Variants in ZRANB3 observed in about 807,000 individuals in gnomAD.
ZRANB3 encodes the protein zinc finger RANBP2-type containing 3, also known as DNA annealing helicase and endonuclease ZRANB3.
In ZRANB3, 125 loss-of-function variants were observed where a neutral mutation model predicts 133.8. That is an observed-to-expected ratio of 0.93 (90% CI 0.81 to 1.08). The LOEUF is 1.08. Ranked by LOEUF, ZRANB3 falls within the 50% of genes least tolerant of loss-of-function variation. The pLI is 0.00. For missense variants in ZRANB3, 1,229 were observed against 1,275.5 expected, an observed-to-expected ratio of 0.96 and a Z score of 0.56; for synonymous variants, 387 against 432.7, an observed-to-expected ratio of 0.89 and a Z score of 1.31.
At chr2:135,212,816 G>T (rs540682745) in intron 17 of ZRANB3, among the ~76,000 whole-genome samples, 1 of 152,254 alleles carries the variant, frequency 6.6e-6, no homozygotes, top group South Asian at 2.1e-4. Flanking sequence ...ACACAATCTT[G>T]GGCTCTGGAT....
At chr2:135,219,255 CATTAT>C in intron 15 of ZRANB3, 77 bp from the exon 16 acceptor site, 1 of 939,902 alleles carries the variant, frequency 1.1e-6, no homozygotes, top group East Asian at 3.1e-5. Context: ...AAAATAATTA[CATTAT>C]GACACAATAT....
At chr2:135,327,518 T>A (rs890690737) in intron 6 of ZRANB3, among the ~76,000 whole-genome samples, 1 of 152,204 alleles carries the variant, frequency 6.6e-6, no homozygotes, top group Non-Finnish European at 1.5e-5. Context: ...TAGAGAATAA[T>A]ATTAATTTAT....
chr2:135,408,441 G>T (rs1558978901), intron 2 of ZRANB3, among the ~76,000 whole-genome samples: 1 of 149,476 alleles, frequency 6.7e-6, no homozygotes, highest in African/African-American at 2.6e-5. Flanking sequence ...TCTACAACTA[G>T]AAATAACGTT....
rs1455393380 is a variant in ZRANB3 at position 135,214,607 on chromosome 2, T to A, written c.2495+2858A>T. 2.0e-5 allele frequency among the ~76,000 whole-genome samples: 3 copies of A among 152,214 alleles called. No homozygotes were observed. In the East Asian group the frequency reaches 5.8e-4, roughly 29 times the overall value. On this transcript the variant is annotated intron_variant, in intron 17 of 20. Transcript: ENST00000264159. ...GAAAGAGAAGGTCAACAAAGACTGG[T>A]TACAAAAATGAGAAAGATTGAGAGG...
chr2:135,286,349 C>T (rs991765402), intron 8 of ZRANB3, among the ~76,000 whole-genome samples: 3 of 152,206 alleles, frequency 2.0e-5, no homozygotes, highest in African/African-American at 7.2e-5. Context: ...ACAATCTCGG[C>T]TCACAACAAC....
At chr2:135,492,744 A>G in intron 2 of ZRANB3, among the ~76,000 whole-genome samples, 1 of 152,168 alleles carries the variant, frequency 6.6e-6, no homozygotes, top group Non-Finnish European at 1.5e-5. Flanking sequence ...CCACCAACAA[A>G]GAACCTTAGG....
intron 2 of ZRANB3, among the ~76,000 whole-genome samples, chr2:135,489,589 CA>C (rs938629646): frequency 1.3e-5 from 2 of 150,672 alleles, no homozygotes; most frequent in African/African-American, 4.9e-5. Context: ...GAGCTATGGT[CA>C]AAAAGATGAA....
intron 2 of ZRANB3, among the ~76,000 whole-genome samples, chr2:135,437,179 C>T (rs1689573212): frequency 1.3e-5 from 2 of 152,090 alleles, no homozygotes; most frequent in Admixed American, 6.5e-5. Context: ...AGGTTGGTCT[C>T]GAACTCCTGA....
chr2:135,271,383 T>C, intron 10 of ZRANB3: 1 of 473,352 alleles, frequency 2.1e-6, no homozygotes, highest in Non-Finnish European at 4.4e-6. Flanking sequence ...CAGGCCACCT[T>C]GTCATACAGG....
At chr2:135,301,193 T>A (rs113103313) in intron 8 of ZRANB3, among the ~76,000 whole-genome samples, 6,747 of 151,762 alleles carry the variant, frequency 0.044, 500 homozygotes, top group African/African-American at 0.16. Flanking sequence ...TTATTTTTTT[T>A]TTTTTTTTTG....
Position 135,520,911 on chromosome 2 carries a change from AG to A in ZRANB3, c.-8+10215del, listed in dbSNP as rs530917460. Reference sequence around the variant, plus strand: ...CACCTCAGCCTCCAATTACTTTAAAAGCAAGAATATTACAATCTTTCTTTCT... The same window carrying A: ...CACCTCAGCCTCCAATTACTTTAAAACAAGAATATTACAATCTTTCTTTCT... On this transcript the variant is annotated intron_variant, in intron 1 of 20. Coordinates refer to ENST00000264159, the MANE Select transcript of ZRANB3 (RefSeq NM_032143.4). Among the ~76,000 whole-genome samples, 124 of 152,270 alleles carry A rather than the reference AG, an allele frequency of 8.1e-4. 1 individual carries two copies. The highest frequency in any genetic ancestry group is 2.6e-3 in the African/African-American group (110 of 41,572).
chr2:135,228,287 G>A, intron 13 of ZRANB3: 4 of 209,446 alleles, frequency 1.9e-5, no homozygotes, highest in South Asian at 1.0e-4. Flanking sequence ...TATATTTTCA[G>A]ATAAAGAGAA....
intron 2 of ZRANB3, among the ~76,000 whole-genome samples, chr2:135,472,509 A>C (rs1465901330): frequency 6.6e-6 from 1 of 151,698 alleles, no homozygotes; most frequent in East Asian, 1.9e-4. Flanking sequence ...AAAAAAAAAA[A>C]AAAAAAAAAA....
At chr2:135,510,801 C>T (rs1028029513) in intron 1 of ZRANB3, 3 of 831,872 alleles carry the variant, frequency 3.6e-6, no homozygotes, top group Admixed American at 3.4e-5. Context: ...CAAAACAAAA[C>T]CAAAACTGGG....
At chr2:135,277,041 T>C (rs1558881107) in intron 8 of ZRANB3, among the ~76,000 whole-genome samples, 2 of 152,092 alleles carry the variant, frequency 1.3e-5, no homozygotes, top group Non-Finnish European at 2.9e-5. Flanking sequence ...AAATAGAGGG[T>C]ATTTGGATGG....
intron 14 of ZRANB3, 52 bp from the exon 15 acceptor site, chr2:135,224,569 A>G: frequency 7.4e-7 from 1 of 1,343,690 alleles, no homozygotes; most frequent in African/African-American, 1.4e-5. Flanking sequence ...CTCTATCTAA[A>G]ATAGCTTATT....
intron 4 of ZRANB3, among the ~76,000 whole-genome samples, chr2:135,351,265 C>CTTTTT (rs34205567): frequency 1.4e-4 from 17 of 119,682 alleles, no homozygotes; most frequent in Non-Finnish European, 2.6e-4. Flanking sequence ...CTATAATTTT[C>CTTTTT]TTTTTTTTTT....
chr2:135,339,495 T>A (rs1272785152), intron 6 of ZRANB3, among the ~76,000 whole-genome samples: 1 of 151,608 alleles, frequency 6.6e-6, no homozygotes, highest in Non-Finnish European at 1.5e-5. Context: ...GGTGGGAGGA[T>A]CACCTGAGCC....
At chr2:135,460,555 C>A (rs1690719276) in intron 2 of ZRANB3, among the ~76,000 whole-genome samples, 1 of 152,144 alleles carries the variant, frequency 6.6e-6, no homozygotes, top group African/African-American at 2.4e-5. Flanking sequence ...GTGTGAGCCA[C>A]CGAGCCTGGA....
Sources: allele counts gnomAD v4.1 joint callset (sites outside exome capture counted in the v4.1 genomes callset), GRCh38; gene constraint gnomAD v4.1.1; transcripts MANE v1.5; gene names NCBI Gene and HGNC (gene_info 2026-07-23, HGNC 2026-07-21).